The following DNAJC16 variants were observed in gnomAD, a reference collection of about 807,000 sequenced individuals.
DNAJC16 encodes DnaJ heat shock protein family (Hsp40) member C16.
Under a neutral mutation model 92.7 loss-of-function variants are expected in DNAJC16, and 76 were observed. That is an observed-to-expected ratio of 0.82 (90% CI 0.68 to 0.99). The LOEUF is 0.99. Among genes scored for constraint, DNAJC16 ranks in the 50% least tolerant of loss-of-function variants. The pLI is 0.00. For synonymous variants in DNAJC16, 328 were observed against 358.7 expected, an observed-to-expected ratio of 0.91 and a Z score of 0.97; for missense variants, 869 against 942.4, an observed-to-expected ratio of 0.92 and a Z score of 1.02.
At position 15,570,928 on chromosome 1, in the gene DNAJC16, C is replaced by G. The variant is rs763369005; in HGVS notation, c.*2751C>G. 12 of 151,798 alleles carry G rather than the reference C, an allele frequency of 7.9e-5. No homozygotes were observed. The highest frequency in any genetic ancestry group is 3.9e-4 in the Admixed American group (6 of 15,230). 9.4% of individuals were successfully genotyped at this position (151,798 alleles called of 1,614,324 possible). The stretch of plus-strand genomic sequence containing the variant: ...TTGATGTTTTTAGAGATGGGTTCTT[C>G]TGGTTGATACAGACTATGCATTGCG... On this transcript the variant is annotated 3_prime_UTR_variant, in exon 15 of 15. Coordinates refer to ENST00000375847, the MANE Select transcript of DNAJC16 (RefSeq NM_015291.4).
In DNAJC16 at chr1:15,563,932, T is replaced by G; in HGVS notation, c.1342T>G (p.Ser448Ala). Residue 448 changes from serine to alanine, a missense_variant, in exon 10 of 15, where the codon TCT (serine) becomes GCT (alanine). Ser to Ala is a moderately conservative substitution (Grantham distance 99). Transcript: ENST00000375847. The part of the protein sequence containing the change: ...SEAFQGKSAV[S>A]ILERRNTAGR... ...TTTTTCTCTACTTTTCTTCCAGGTGTCTATTTTAGAAAGGCGCAACACAGC... is the reference window on the plus strand; with the variant it reads ...TTTTTCTCTACTTTTCTTCCAGGTGGCTATTTTAGAAAGGCGCAACACAGC... 1 of 1,605,472 alleles carries G rather than the reference T, an allele frequency of 6.2e-7. No homozygotes were observed. Among genetic ancestry groups the G allele is most frequent in the African/African-American group, 1.3e-5 (1 of 74,452 alleles).
At position 15,567,189 on chromosome 1, in the gene DNAJC16, G is replaced by A; in HGVS notation, c.1869G>A (p.Met623Ile). 1 of 1,614,108 alleles carries A rather than the reference G, an allele frequency of 6.2e-7. No homozygotes were observed. The highest frequency in any genetic ancestry group is 1.1e-5 in the South Asian group (1 of 91,082). ...SNLVRLRPGH[M>I]NVVLILSNST... ...TGGTACGTCTGAGGCCAGGCCACAT[G>A]AATGTGGTCCTCATCCTGTCGAATT... Residue 623 changes from methionine (M) to isoleucine (I), a missense_variant, in exon 14 of 15, where the codon ATG becomes ATA. By Grantham distance (10) the Met-to-Ile change is conservative. Transcript: ENST00000375847.
intron 4 of DNAJC16, 92 bp from the exon 5 acceptor site, chr1:15,544,307 A>G (rs1467554141): frequency 3.1e-6 from 4 of 1,292,792 alleles, no homozygotes; most frequent in African/African-American, 3.0e-5. Context: ...TGAGGTCGGG[A>G]TTTCAATTTC....
chr1:15,547,011 T>TGTTTGAA, intron 6 of DNAJC16, 140 bp downstream of exon 6: 1 of 694,536 alleles, frequency 1.4e-6, no homozygotes, highest in Non-Finnish European at 2.4e-6. Context: ...CCATGAGAAA[T>TGTTTGAA]GTTTGAAGAC....
At chr1:15,563,828 C>G (rs1309856908) in intron 9 of DNAJC16, 101 bp from the exon 10 acceptor site, 1 of 1,243,034 alleles carries the variant, frequency 8.0e-7, no homozygotes. Context: ...CCAGCCTGGG[C>G]GACAAAGCAA....
intron 4 of DNAJC16, among the ~76,000 whole-genome samples, chr1:15,543,668 A>G (rs1276203994): frequency 6.6e-6 from 1 of 152,174 alleles, no homozygotes; most frequent in Non-Finnish European, 1.5e-5. Flanking sequence ...GGGGGAGAGC[A>G]TTTAGGATAT....
intron 13 of DNAJC16, chr1:15,566,520 G>A (rs1026803309): frequency 9.9e-5 from 27 of 273,960 alleles, no homozygotes; most frequent in African/African-American, 4.0e-4. Context: ...CAGGGTCTCC[G>A]AGACAAAGAA....
rs182165486 is a variant in DNAJC16, at chr1:15,571,615, A to T, written c.*3438A>T. 10 of 152,658 alleles carry T rather than the reference A, an allele frequency of 6.6e-5. No individual in the cohort carries two copies. The highest frequency in any genetic ancestry group is 2.4e-4 in the African/African-American group (10 of 41,546). The allele number at this position is 152,658 out of a possible 1,614,324, so 9.5% of individuals were successfully genotyped here. On this transcript the variant is annotated 3_prime_UTR_variant, in exon 15 of 15. Transcript: ENST00000375847. ...TTATTTGGCAAATTGTTTCTTTTTT[A>T]TGTTTTGGGTGTTGTTTTTGTTTTT...
chr1:15,544,714 A>T, intron 5 of DNAJC16, 131 bp downstream of exon 5: 1 of 781,178 alleles, frequency 1.3e-6, no homozygotes, highest in Non-Finnish European at 2.0e-6. Context: ...GACACTTATT[A>T]ATTAATTAAT....
intron 4 of DNAJC16, 66 bp from the exon 5 acceptor site, chr1:15,544,333 T>A: frequency 6.8e-7 from 1 of 1,477,856 alleles, no homozygotes; most frequent in South Asian, 1.4e-5. Flanking sequence ...AAAAAATTAC[T>A]TAGCACTTTT....
intron 7 of DNAJC16, among the ~76,000 whole-genome samples, chr1:15,554,336 T>G (rs1288988914): frequency 1.3e-5 from 2 of 152,242 alleles, no homozygotes; most frequent in African/African-American, 4.8e-5. Flanking sequence ...TTATTGTATT[T>G]GATGTCTTTT....
intron 4 of DNAJC16, among the ~76,000 whole-genome samples, chr1:15,539,538 G>A (rs999011463): frequency 6.6e-6 from 1 of 151,664 alleles, no homozygotes; most frequent in South Asian, 2.1e-4. Context: ...GAGCCACCAC[G>A]CCTGGCTTTT....
At chr1:15,527,636 G>A (rs1171632711) in intron 1 of DNAJC16, among the ~76,000 whole-genome samples, 3 of 152,268 alleles carry the variant, frequency 2.0e-5, no homozygotes, top group Admixed American at 1.3e-4. Flanking sequence ...TGTTTTCTAG[G>A]ATATAATAGG....
rs763994892 is a variant in DNAJC16, at chr1:15,571,295, T to C, written c.*3118T>C. 2 of 152,302 alleles carry C rather than the reference T, an allele frequency of 1.3e-5. No individual in the cohort carries two copies. Among genetic ancestry groups the C allele is most frequent in the Admixed American group, 6.5e-5 (1 of 15,280 alleles). The allele number at this position is 152,302 out of a possible 1,614,324, so 9.4% of individuals were successfully genotyped here. On this transcript the variant is annotated 3_prime_UTR_variant, in exon 15 of 15. Coordinates refer to ENST00000375847, the MANE Select transcript of DNAJC16 (RefSeq NM_015291.4). ...TCATTACATAAATATTTTTCTGTTATAAAAAGAAGTGTGATCTGTTTTTTT... is the reference window on the plus strand; with the variant it reads ...TCATTACATAAATATTTTTCTGTTACAAAAAGAAGTGTGATCTGTTTTTTT...
chr1:15,536,944 G>A (rs1710805666), intron 4 of DNAJC16, 130 bp downstream of exon 4: 7 of 713,382 alleles, frequency 9.8e-6, no homozygotes, highest in East Asian at 3.0e-5. Flanking sequence ...TCCACCTCCC[G>A]GGTTCAAGTG....
rs982464274 is a variant in DNAJC16 at position 15,526,954 on chromosome 1, T to A, written c.-23T>A. 2.0e-5 allele frequency: 3 copies of A among 152,322 alleles called. No homozygotes were observed. Among genetic ancestry groups the A allele is most frequent in the African/African-American group, 4.8e-5 (2 of 41,464 alleles). 9.4% of individuals were successfully genotyped at this position (152,322 alleles called of 1,614,324 possible). On this transcript the variant is annotated 5_prime_UTR_variant, in exon 1 of 15. Coordinates refer to ENST00000375847, the MANE Select transcript of DNAJC16 (RefSeq NM_015291.4). ...TGCAGCCGGTTGGGCCGGTGTACTT[T>A]CCCGGTAACTCCTTCCCGGCGTGAC...
intron 4 of DNAJC16, among the ~76,000 whole-genome samples, chr1:15,537,382 G>A (rs1710817989): frequency 1.3e-5 from 2 of 152,228 alleles, no homozygotes; most frequent in Admixed American, 1.3e-4. Flanking sequence ...TGTGGAAGAG[G>A]GCCCAGAACT....
At chr1:15,529,416 A>G (rs1710601922) in intron 2 of DNAJC16, 144 bp downstream of exon 2, 16 of 806,224 alleles carry the variant, frequency 2.0e-5, no homozygotes, top group Non-Finnish European at 2.6e-5. Flanking sequence ...CAGGAGAGCT[A>G]ATGTTCATGT....
intron 8 of DNAJC16, 36 bp from the exon 9 acceptor site, chr1:15,562,106 G>A (rs750833557): frequency 1.9e-6 from 3 of 1,593,494 alleles, no homozygotes; most frequent in Non-Finnish European, 2.6e-6. Flanking sequence ...CTGCCATCAG[G>A]GATTGGTTAT....
Sources: gnomAD v4.1 joint callset for allele counts (sites outside exome capture counted in the v4.1 genomes callset) on GRCh38, gnomAD v4.1.1 for gene constraint, MANE v1.5 for transcripts, NCBI Gene and HGNC (gene_info 2026-07-23, HGNC 2026-07-21) for gene names.